The following PCDH15 variants were observed in gnomAD, a reference collection of about 807,000 sequenced individuals.
The protein encoded by PCDH15 is protocadherin-15.
A neutral mutation model predicts 178.5 loss-of-function variants in PCDH15; 129 were observed. That is an observed-to-expected ratio of 0.72 (90% CI 0.63 to 0.84). The LOEUF (loss-of-function observed/expected upper bound fraction) is 0.84. Ranked by LOEUF, PCDH15 falls within the 40% of genes least tolerant of loss-of-function variation. PCDH15 has a pLI of 0.00. For missense variants in PCDH15, 2,230 were observed against 2,099.9 expected, an observed-to-expected ratio of 1.06 and a Z score of -1.21; for synonymous variants, 800 against 732.0, an observed-to-expected ratio of 1.09 and a Z score of -1.50.
At chr10:54,602,214 G>A (rs2092570634) in intron 2 of PCDH15, among the ~76,000 whole-genome samples, 1 of 151,804 alleles carries the variant, frequency 6.6e-6, no homozygotes, top group Non-Finnish European at 1.5e-5. Flanking sequence ...TTCAGTGTAT[G>A]TATTTTCCTG....
chr10:54,384,450 G>A (rs1456516796), intron 3 of PCDH15, among the ~76,000 whole-genome samples: 2 of 151,770 alleles, frequency 1.3e-5, no homozygotes, highest in East Asian at 1.9e-4. Context: ...TTTTGACTGC[G>A]ATTTTAAACA....
chr10:54,157,008 G>C (rs972523932), intron 13 of PCDH15, among the ~76,000 whole-genome samples: 1 of 152,294 alleles, frequency 6.6e-6, no homozygotes, highest in South Asian at 2.1e-4. Flanking sequence ...AGGCAGCTCT[G>C]TCCCTTTGGC....
At chr10:55,555,867 C>T (rs764877274) in intron 2 of PCDH15, among the ~76,000 whole-genome samples, 6 of 152,032 alleles carry the variant, frequency 3.9e-5, no homozygotes, top group Non-Finnish European at 8.8e-5. Context: ...TTCAATGGCT[C>T]TCCATAGTCG....
intron 3 of PCDH15, among the ~76,000 whole-genome samples, chr10:54,810,603 T>C (rs1171815049): frequency 6.6e-6 from 1 of 152,162 alleles, no homozygotes; most frequent in Non-Finnish European, 1.5e-5. Context: ...TCTTTTGCAT[T>C]GATTCTAACA....
At chr10:53,851,179 A>T (rs1376105067) in intron 28 of PCDH15, among the ~76,000 whole-genome samples, 1 of 152,058 alleles carries the variant, frequency 6.6e-6, no homozygotes, top group Non-Finnish European at 1.5e-5. Flanking sequence ...TCAGATTTCA[A>T]CTTATCAGAA....
chr10:54,842,082 G>GGACTTATTCTCTTATGTAACTACAAAA (rs1169513831), intron 3 of PCDH15, among the ~76,000 whole-genome samples: 9 of 151,752 alleles, frequency 5.9e-5, no homozygotes, highest in Admixed American at 2.0e-4. Flanking sequence ...ACTTGAAATT[G>GGACTTATTCTCTTATGTAACTACAAAA]GACTTATTCT....
rs890086955 is a variant in PCDH15 at position 53,964,460 on chromosome 10, A to C, written c.2869-2568T>G. On this transcript the variant is annotated intron_variant, in intron 21 of 37. Transcript: ENST00000644397. ...TTTTTATAAAATTTTATTTATTCAT[A>C]AAATTTTTATAAATTTATTTAAAAA... Among the ~76,000 whole-genome samples the C allele has an allele frequency of 3.2e-4, 46 of 143,434 alleles. No homozygotes were observed. In the East Asian group the frequency reaches 7.8e-3, roughly 24 times the overall value. 94.1% of individuals were successfully genotyped at this position (143,434 alleles called of 152,430 possible). A position where few individuals can be genotyped will look rare whatever the true frequency, so the allele number is the denominator to read the frequency against.
chr10:55,618,740 A>T (rs901479999), intron 2 of PCDH15, among the ~76,000 whole-genome samples: 6 of 152,026 alleles, frequency 3.9e-5, no homozygotes, highest in African/African-American at 1.4e-4. Context: ...ACTAAACAGT[A>T]GAGTCTGGAA....
chr10:54,298,722 C>T (rs567999765), intron 8 of PCDH15, among the ~76,000 whole-genome samples: 16 of 152,286 alleles, frequency 1.1e-4, no homozygotes, highest in Admixed American at 4.6e-4. Context: ...ACCCCAGGTA[C>T]GTTTAACTAT....
chr10:54,286,071 G>C (rs1045177167), intron 8 of PCDH15, among the ~76,000 whole-genome samples: 1 of 152,132 alleles, frequency 6.6e-6, no homozygotes, highest in Non-Finnish European at 1.5e-5. Context: ...GATGGAGAGA[G>C]ACTGGTCAAA....
intron 1 of PCDH15, among the ~76,000 whole-genome samples, chr10:55,168,726 T>C (rs569564426): frequency 1.1e-4 from 16 of 152,304 alleles, no homozygotes; most frequent in African/African-American, 3.6e-4. Context: ...GGTCAGGGGA[T>C]AAAAGATGAA....
chr10:54,638,458 CATT>C (rs1481141807), intron 2 of PCDH15, among the ~76,000 whole-genome samples: 2 of 151,976 alleles, frequency 1.3e-5, no homozygotes, highest in African/African-American at 4.8e-5. Flanking sequence ...CAGTATATCT[CATT>C]ATACTCAGTT....
At chr10:55,023,158 G>A (rs1840382044) in intron 2 of PCDH15, among the ~76,000 whole-genome samples, 1 of 152,078 alleles carries the variant, frequency 6.6e-6, no homozygotes, top group Non-Finnish European at 1.5e-5. Flanking sequence ...AGCCGGGATG[G>A]TCTCAATCTC....
intron 3 of PCDH15, among the ~76,000 whole-genome samples, chr10:54,842,567 G>A (rs2133762648): frequency 1.3e-5 from 2 of 151,864 alleles, no homozygotes; most frequent in Middle Eastern, 6.8e-3. Context: ...AGATGTGTGA[G>A]GTAAGCATAG....
chr10:55,202,516 A>C (rs1840279344), intron 1 of PCDH15, among the ~76,000 whole-genome samples: 1 of 152,128 alleles, frequency 6.6e-6, no homozygotes, highest in African/African-American at 2.4e-5. Flanking sequence ...GGAACACTGC[A>C]AACCACATTT....
At chr10:54,389,712 G>A (rs1386954190) in intron 3 of PCDH15, among the ~76,000 whole-genome samples, 2 of 151,644 alleles carry the variant, frequency 1.3e-5, no homozygotes, top group African/African-American at 2.4e-5. Flanking sequence ...GCCGAGGCGG[G>A]TGGATCACTT....
intron 8 of PCDH15, among the ~76,000 whole-genome samples, chr10:54,252,530 C>A (rs2056570390): frequency 6.6e-6 from 1 of 152,154 alleles, no homozygotes; most frequent in Non-Finnish European, 1.5e-5. Context: ...TTAATCAGAA[C>A]TCTCACATTC....
At chr10:55,444,284 TA>T (rs76682014) in intron 2 of PCDH15, among the ~76,000 whole-genome samples, 30 of 146,400 alleles carry the variant, frequency 2.0e-4, no homozygotes, top group Non-Finnish European at 3.0e-4. Context: ...AAAGTGTAAT[TA>T]AAAAAAAAAA....
chr10:54,327,052 A>C (rs1938281680), intron 7 of PCDH15, among the ~76,000 whole-genome samples: 1 of 152,024 alleles, frequency 6.6e-6, no homozygotes, highest in Non-Finnish European at 1.5e-5. Context: ...AAAACTTGTC[A>C]CTACCTCAGT....
Sources: gnomAD v4.1 joint callset for allele counts (sites outside exome capture counted in the v4.1 genomes callset) on GRCh38, gnomAD v4.1.1 for gene constraint, MANE v1.5 for transcripts, NCBI Gene and HGNC (gene_info 2026-07-23, HGNC 2026-07-21) for gene names.